The following RCE1 variants were observed in gnomAD, a reference collection of about 807,000 sequenced individuals.
RCE1 encodes Ras converting CAAX endopeptidase 1, also known as CAAX prenyl protease 2.
Under a neutral mutation model 35.0 loss-of-function variants are expected in RCE1, and 15 were observed. The observed-to-expected ratio is 0.43, with a 90% CI of 0.29 to 0.66. The LOEUF is 0.66. RCE1 is among the 30% of genes least tolerant of loss of function. RCE1 has a pLI of 0.17. For synonymous variants in RCE1, 261 were observed against 192.7 expected, an observed-to-expected ratio of 1.35 and a Z score of -2.94; for missense variants, 434 against 433.0, an observed-to-expected ratio of 1.00 and a Z score of -0.02.
Position 66,843,598 on chromosome 11 carries a change from C to A in RCE1, c.143C>A (p.Ser48Tyr). The A allele has an allele frequency of 6.3e-7, 1 of 1,593,530 alleles. No individual in the cohort carries two copies. Among genetic ancestry groups the A allele is most frequent in the Non-Finnish European group, 8.5e-7 (1 of 1,175,872 alleles). Residue 48 changes from serine (S) to tyrosine (Y), a missense_variant, in exon 1 of 8, where the codon TCC becomes TAC. Ser to Tyr is a moderately radical substitution (Grantham distance 144, BLOSUM62 -2). Transcript: ENST00000309657. ...SVFSCLSLAC[S>Y]YVGSLYVWKS... ...TTCTCCTGCCTCAGCCTCGCCTGCT[C>A]CTACGTGGGCAGCCTCTACGTCTGG...
Position 66,843,731 on chromosome 11 carries a change from C to T in RCE1, c.186-28C>T, listed in dbSNP as rs775733681. ...GTCCGTGCTCATGGGCAGCCGCGGG[C>T]CCCCTGAACTTACTGTCCCCTCCGT... On this transcript the variant is annotated intron_variant, in intron 1 of 7. Transcript: ENST00000309657. 7.2e-5 allele frequency: 116 copies of T among 1,609,948 alleles called. 1 individual carries two copies. Among genetic ancestry groups the T allele is most frequent in the South Asian group, 3.9e-4 (35 of 90,750 alleles).
Position 66,845,532 on chromosome 11 carries a change from GC to G in RCE1, c.726del (p.Tyr243ThrfsTer12). 1 of 1,614,206 alleles carries G rather than the reference GC, an allele frequency of 6.2e-7. No individual in the cohort carries two copies. Among genetic ancestry groups the G allele is most frequent in the Non-Finnish European group, 8.5e-7 (1 of 1,180,032 alleles). ...FQFSYTAVFG[A>X]YTAFLFIRTG... Reference sequence around the variant, plus strand: ...GTTCTCCTACACAGCTGTCTTCGGTGCCTACACTGCTTTCCTCTTCATCCGC... The same window carrying G: ...GTTCTCCTACACAGCTGTCTTCGGTGCTACACTGCTTTCCTCTTCATCCGC... On this transcript the variant is annotated frameshift_variant, in exon 7 of 8. Coordinates refer to ENST00000309657, the MANE Select transcript of RCE1 (RefSeq NM_005133.3). LOFTEE classifies it high-confidence loss of function.
At position 66,846,350 on chromosome 11, in the gene RCE1, C is replaced by T. The variant is rs1945210203; in HGVS notation, c.*255C>T. The T allele has an allele frequency of 1.4e-5, 6 of 435,752 alleles. No homozygotes were observed. In the South Asian group the frequency reaches 2.6e-4, roughly 19 times the overall value. 27.0% of individuals were successfully genotyped at this position (435,752 alleles called of 1,614,324 possible). On this transcript the variant is annotated 3_prime_UTR_variant, in exon 8 of 8. Transcript: ENST00000309657. The stretch of plus-strand genomic sequence containing the variant: ...GGGCAGGTCCCAGGAGCCACACACT[C>T]CCTTCCTCACTTTGGACTGCTGCTT...
Position 66,843,975 on chromosome 11 carries a change from C to A in RCE1, c.308C>A (p.Thr103Asn), listed in dbSNP as rs1366975809. Residue 103 changes from threonine to asparagine, a missense_variant, in exon 3 of 8, where the codon ACC becomes AAC. Transcript: ENST00000309657. The part of the protein sequence containing the change: ...TGIQPGTSLL[T>N]LMGFRLEGIF... ...GCTCAGCCAGGCACATCCCTGCTCA[C>A]CCTGATGGGCTTCAGGCTGGAGGGC... 1 of 1,614,152 alleles carries A rather than the reference C, an allele frequency of 6.2e-7. No homozygotes were observed. Among genetic ancestry groups the A allele is most frequent in the East Asian group, 2.2e-5 (1 of 44,886 alleles).
In RCE1 at chr11:66,846,064, C is replaced by G. The variant is rs764313001; in HGVS notation, c.959C>G (p.Ala320Gly). 6.2e-7 allele frequency: 1 copy of G among 1,612,354 alleles called. No individual in the cohort carries two copies. The highest frequency in any genetic ancestry group is 1.1e-5 in the South Asian group (1 of 90,994). Residue 320 changes from alanine (A) to glycine (G), a missense_variant, in exon 8 of 8, where the codon GCA becomes GGA. Coordinates refer to ENST00000309657, the MANE Select transcript of RCE1 (RefSeq NM_005133.3). The part of the protein sequence containing the change: ...SLPLCVLLER[A>G]GDSEAPLCS ...CCCCTTTGTGTGCTTTTGGAGCGGG[C>G]AGGGGACTCAGAGGCTCCCCTGTGC...
intron 4 of RCE1, 144 bp from the exon 5 acceptor site, chr11:66,844,725 G>C: frequency 8.3e-7 from 1 of 1,207,576 alleles, no homozygotes; most frequent in African/African-American, 1.5e-5. Context: ...GTTTATGTTG[G>C]GTCCACACCC....
In RCE1 at chr11:66,844,047, C is replaced by T. The variant is rs768498705; in HGVS notation, c.372+8C>T. 1.9e-6 allele frequency: 3 copies of T among 1,614,050 alleles called. No homozygotes were observed. The highest frequency in any genetic ancestry group is 3.3e-5 in the Admixed American group (2 of 60,026). ...CCCCTGTTGCTGACCATGGTGAGTG[C>T]TCCTGCTGTATTTTTTCTTCTGGTC... is the stretch of plus-strand genomic sequence containing the variant. On this transcript the variant is annotated splice_region_variant and intron_variant, in intron 3 of 7. Coordinates refer to ENST00000309657, the MANE Select transcript of RCE1 (RefSeq NM_005133.3).
At position 66,844,692 on chromosome 11, in the gene RCE1, T is replaced by C. The variant is rs78732747; in HGVS notation, c.452-177T>C. The C allele has an allele frequency of 4.0e-6, 4 of 1,002,886 alleles. No individual in the cohort carries two copies. In the East Asian group the frequency reaches 1.1e-4, roughly 27 times the overall value. The allele number at this position is 1,002,886 out of a possible 1,614,324, so 62.1% of individuals were successfully genotyped here. A position where few individuals can be genotyped will look rare whatever the true frequency, so the allele number is the denominator to read the frequency against. On this transcript the variant is annotated intron_variant, in intron 4 of 7. Coordinates refer to ENST00000309657, the MANE Select transcript of RCE1 (RefSeq NM_005133.3). ...CCCTTGCCTCAGCTAATGCCTTCCA[T>C]TCAGGTCATCTCAAGACATTGGGTT...
At position 66,845,885 on chromosome 11, in the gene RCE1, C is replaced by T. The variant is rs371240140; in HGVS notation, c.780C>T (p.Cys260=). 1.4e-4 allele frequency: 219 copies of T among 1,613,514 alleles called. 3 individuals carry two copies. The highest frequency in any genetic ancestry group is 9.3e-5 in the African/African-American group (7 of 74,936). Residue 260 remains cysteine, a synonymous_variant, in exon 8 of 8, where the codon TGC becomes TGT. Coordinates refer to ENST00000309657, the MANE Select transcript of RCE1 (RefSeq NM_005133.3). ...RTGHLIGPVL[C]HSFCNYMGFP... ...GACACCTGATTGGGCCGGTTCTCTG[C>T]CATTCCTTCTGCAATTACATGGGTT...
Position 66,845,021 on chromosome 11 carries a change from C to G in RCE1, c.604C>G (p.Leu202Val). The change falls in exon 5 of 8, where the codon CTC becomes GTC. Residue 202 changes from leucine (L) to valine (V), a missense_variant. Coordinates refer to ENST00000309657, the MANE Select transcript of RCE1 (RefSeq NM_005133.3). Reference protein sequence around the residue: ...GLGPAVFTCPLFFGVAHFHHI... With the variant: ...GLGPAVFTCPVFFGVAHFHHI... ...GGGCCCTGCTGTGTTCACCTGCCCG[C>G]TCTTTTTTGGAGTTGGTGAGTCTGG... is the stretch of plus-strand genomic sequence containing the variant. 6.3e-7 allele frequency: 1 copy of G among 1,596,598 alleles called. No homozygotes were observed. Among genetic ancestry groups the G allele is most frequent in the South Asian group, 1.1e-5 (1 of 88,844 alleles).
Position 66,843,511 on chromosome 11 carries a change from G to GGCCGCCCGAGTC in RCE1, c.58_69dup (p.Pro20_Ser23dup). ...CTGCTGTCGGTGTCGCGGCCGGAGCGGCCGCCCGAGTCGGCGGCGCTGGGC... is the reference window on the plus strand; with the variant it reads ...CTGCTGTCGGTGTCGCGGCCGGAGCGGCCGCCCGAGTCGCCGCCCGAGTCGGCGGCGCTGGGC... On this transcript the variant is annotated inframe_insertion, in exon 1 of 8. Coordinates refer to ENST00000309657, the MANE Select transcript of RCE1 (RefSeq NM_005133.3). The GGCCGCCCGAGTC allele has an allele frequency of 1.3e-6, 2 of 1,494,160 alleles. No individual in the cohort carries two copies. The highest frequency in any genetic ancestry group is 2.5e-5 in the South Asian group (2 of 80,100). 92.6% of individuals were successfully genotyped at this position (1,494,160 alleles called of 1,614,324 possible).
intron 1 of RCE1, 26 bp from the exon 2 acceptor site, chr11:66,843,733 C>G (rs763138369): frequency 3.7e-6 from 6 of 1,611,056 alleles, no homozygotes; most frequent in Non-Finnish European, 4.2e-6. Flanking sequence ...GCCGCGGGCC[C>G]CCTGAACTTA....
chr11:66,844,986 G>T lies in RCE1; in HGVS notation c.569G>T (p.Cys190Phe). Reference protein sequence around the residue: ...RACMLPMLAPCMGLGPAVFTC... With the variant: ...RACMLPMLAPFMGLGPAVFTC... The stretch of plus-strand genomic sequence containing the variant: ...TGTATGCTGCCCATGTTAGCACCGT[G>T]CATGGGCCTGGGCCCTGCTGTGTTC... The change falls in exon 5 of 8, where the codon TGC becomes TTC. Residue 190 changes from cysteine (C) to phenylalanine (F), a missense_variant. Transcript: ENST00000309657. The T allele has an allele frequency of 6.2e-7, 1 of 1,605,462 alleles. No individual in the cohort carries two copies. The highest frequency in any genetic ancestry group is 8.5e-7 in the Non-Finnish European group (1 of 1,175,126).
At position 66,844,285 on chromosome 11, in the gene RCE1, G is replaced by C. The variant is rs1945159158; in HGVS notation, c.373-1G>C. 1.9e-6 allele frequency: 3 copies of C among 1,614,072 alleles called. No homozygotes were observed. Among genetic ancestry groups the C allele is most frequent in the African/African-American group, 1.3e-5 (1 of 74,926 alleles). ...TGGTGAAAGTGTTTTCTTGCCCTCA[G>C]ATTCTTTTCCTGGGCCCACTGATGC... On this transcript the variant is annotated splice_acceptor_variant, in intron 3 of 7. Transcript: ENST00000309657. LOFTEE classifies it high-confidence loss of function.
chr11:66,845,261 G>T, intron 6 of RCE1, 24 bp downstream of exon 6: 1 of 1,614,158 alleles, frequency 6.2e-7, no homozygotes, highest in Non-Finnish European at 8.5e-7. Flanking sequence ...AGCTGGCCTG[G>T]GTTAGGGTGT....
intron 6 of RCE1, 40 bp downstream of exon 6, chr11:66,845,277 G>C (rs759290365): frequency 1.2e-6 from 2 of 1,613,834 alleles, no homozygotes; most frequent in Non-Finnish European, 1.7e-6. Context: ...GGTGTATGAT[G>C]ATGTCGCTAA....
rs766834583 is a variant in RCE1, at chr11:66,845,573, A to C, written c.754+11A>C. Reference sequence around the variant, plus strand: ...TCTTCATCCGCACAGGTTGGTCCTCAGTCCCTCATGGGTCCCTGGGGGCCC... The same window carrying C: ...TCTTCATCCGCACAGGTTGGTCCTCCGTCCCTCATGGGTCCCTGGGGGCCC... On this transcript the variant is annotated intron_variant, in intron 7 of 7. Transcript: ENST00000309657. 1 of 1,614,212 alleles carries C rather than the reference A, an allele frequency of 6.2e-7. No homozygotes were observed. The highest frequency in any genetic ancestry group is 1.1e-5 in the South Asian group (1 of 91,088).
At chr11:66,844,589 A>G in intron 4 of RCE1, 1 of 733,332 alleles carries the variant, frequency 1.4e-6, no homozygotes, top group Non-Finnish European at 2.2e-6. Context: ...TGTGGATCAG[A>G]GAGCACTGTC....
Position 66,846,096 on chromosome 11 carries a change from C to G in RCE1, c.*1C>G. ...CTCAGAGGCTCCCCTGTGCTCCTGA[C>G]CTATGCTCCTGGATACGCTATGAAC... is the stretch of plus-strand genomic sequence containing the variant. On this transcript the variant is annotated 3_prime_UTR_variant, in exon 8 of 8. Coordinates refer to ENST00000309657, the MANE Select transcript of RCE1 (RefSeq NM_005133.3). 1 of 1,602,998 alleles carries G rather than the reference C, an allele frequency of 6.2e-7. No homozygotes were observed. Among genetic ancestry groups the G allele is most frequent in the Non-Finnish European group, 8.5e-7 (1 of 1,175,722 alleles).
Sources: gnomAD v4.1 joint callset for allele counts on GRCh38, gnomAD v4.1.1 for gene constraint, MANE v1.5 for transcripts, NCBI Gene and HGNC (gene_info 2026-07-23, HGNC 2026-07-21) for gene names.